The following AIM2 variants were observed in gnomAD, a reference collection of about 807,000 sequenced individuals.
AIM2 encodes interferon-inducible protein AIM2.
AIM2 carries 30 observed loss-of-function variants against 27.7 expected under a neutral mutation model. That is an observed-to-expected ratio of 1.08 (90% CI 0.81 to 1.47). The LOEUF (loss-of-function observed/expected upper bound fraction) is 1.47, where lower values mean the gene tolerates loss of function less well. Among genes scored for constraint, AIM2 ranks in the 40% most tolerant of loss-of-function variants. AIM2 has a pLI of 0.00. For synonymous variants in AIM2, 141 were observed against 145.3 expected, an observed-to-expected ratio of 0.97 and a Z score of 0.21; for missense variants, 358 against 411.3, an observed-to-expected ratio of 0.87 and a Z score of 1.12.
chr1:159,061,870 G>A (rs1557888865), downstream of AIM2, among the ~76,000 whole-genome samples: 1 of 152,086 alleles, frequency 6.6e-6, no homozygotes, highest in Non-Finnish European at 1.5e-5. Flanking sequence ...CTTTTGGTGT[G>A]ATATCTAAAT....
chr1:159,101,511 G>A (rs528303746), intron 1 of AIM2, among the ~76,000 whole-genome samples: 5 of 152,304 alleles, frequency 3.3e-5, no homozygotes, highest in Non-Finnish European at 7.3e-5. Context: ...ATGTAGAAGC[G>A]ACTTTGGAAC....
chr1:159,135,882 G>A (rs1203028039), intron 1 of AIM2, among the ~76,000 whole-genome samples: 1 of 152,072 alleles, frequency 6.6e-6, no homozygotes, highest in Non-Finnish European at 1.5e-5. Context: ...TCTCTTCCCA[G>A]CTCCCCAGGC....
intron 1 of AIM2, among the ~76,000 whole-genome samples, chr1:159,074,831 A>C (rs1332131550): frequency 6.6e-6 from 1 of 152,168 alleles, no homozygotes; most frequent in Admixed American, 6.5e-5. Flanking sequence ...GGACCTACTT[A>C]AGTGGGTGTA....
At chr1:159,102,184 T>A (rs56338583) in intron 1 of AIM2, among the ~76,000 whole-genome samples, 6,100 of 152,262 alleles carry the variant, frequency 0.04, 288 homozygotes, top group African/African-American at 0.11. Context: ...ATTGTACAGC[T>A]CAATCCAGTG....
chr1:159,097,873 G>A (rs1657213040), intron 1 of AIM2, among the ~76,000 whole-genome samples: 1 of 152,086 alleles, frequency 6.6e-6, no homozygotes, highest in Non-Finnish European at 1.5e-5. Context: ...AACCACAAAG[G>A]AGAAATAAAG....
At chr1:159,080,120 T>A (rs1656741319), upstream of AIM2, among the ~76,000 whole-genome samples, 1 of 152,204 alleles carries the variant, frequency 6.6e-6, no homozygotes, top group Non-Finnish European at 1.5e-5. Context: ...TTTTGGCAAT[T>A]ACGAATAAAC....
chr1:159,065,431 G>T (rs1188870795), intron 4 of AIM2, among the ~76,000 whole-genome samples: 1 of 151,960 alleles, frequency 6.6e-6, no homozygotes, highest in Admixed American at 6.6e-5. Context: ...TAAAAAAAAA[G>T]TCTCCTCAGG....
intron 1 of AIM2, among the ~76,000 whole-genome samples, chr1:159,116,909 G>C (rs911473004): frequency 3.3e-5 from 5 of 151,940 alleles, no homozygotes; most frequent in African/African-American, 1.2e-4. Flanking sequence ...GAATGCTACA[G>C]GGAGAAAATT....
chr1:159,146,952 C>T (rs996075978), intron 1 of AIM2: 1 of 152,144 alleles, frequency 6.6e-6, no homozygotes, highest in Non-Finnish European at 1.5e-5. Context: ...CTTGTAGTAC[C>T]CATCCTTCTA....
intron 1 of AIM2, among the ~76,000 whole-genome samples, chr1:159,131,114 C>T (rs1371086652): frequency 6.6e-6 from 1 of 152,074 alleles, no homozygotes; most frequent in East Asian, 1.9e-4. Context: ...GTTGGGATGA[C>T]CTAATCAATG....
chr1:159,056,290 C>G, the AIM2 span, among the ~76,000 whole-genome samples: 1 of 152,094 alleles, frequency 6.6e-6, no homozygotes, highest in Non-Finnish European at 1.5e-5. Flanking sequence ...CTGGAAATGG[C>G]GCAAACTTCT....
chr1:159,083,248 T>A (rs112388812), intron 1 of AIM2, among the ~76,000 whole-genome samples: 2,066 of 152,258 alleles, frequency 0.014, 59 homozygotes, highest in African/African-American at 0.046. Context: ...AGAGAGATGA[T>A]GTACATGTAT....
upstream of AIM2, among the ~76,000 whole-genome samples, chr1:159,143,080 C>T (rs1648142409): frequency 6.6e-6 from 1 of 152,090 alleles, no homozygotes; most frequent in Non-Finnish European, 1.5e-5. Context: ...AGGTGATGGC[C>T]AAGTAAAGAA....
chr1:159,113,906 C>T (rs1647257403), intron 1 of AIM2, among the ~76,000 whole-genome samples: 1 of 152,180 alleles, frequency 6.6e-6, no homozygotes, highest in African/African-American at 2.4e-5. Flanking sequence ...TTGACTAGCT[C>T]TTACTGTTTA....
chr1:159,135,749 G>A (rs1448971404), intron 1 of AIM2, among the ~76,000 whole-genome samples: 2 of 152,194 alleles, frequency 1.3e-5, no homozygotes, highest in Non-Finnish European at 2.9e-5. Context: ...CAAGTTATCA[G>A]CAATTGTTAG....
At chr1:159,143,837 A>G (rs1341454506), upstream of AIM2, among the ~76,000 whole-genome samples, 1 of 152,184 alleles carries the variant, frequency 6.6e-6, no homozygotes, top group Non-Finnish European at 1.5e-5. Flanking sequence ...GAGATATATC[A>G]TGGCATGGTT....
chr1:159,065,354 G>A lies in AIM2; in HGVS notation c.816+556C>T, dbSNP rs150757833. On this transcript the variant is annotated intron_variant, in intron 4 of 5. Coordinates refer to ENST00000368130, the MANE Select transcript of AIM2 (RefSeq NM_004833.3). ...GCAACCTTCCAAGTGTGAAGTGACA[G>A]CCTTGTGTGTGATCTTTTCTGTCTT... 7.4e-3 allele frequency among the ~76,000 whole-genome samples: 1,121 copies of A among 152,286 alleles called. 15 individuals carry two copies. Among genetic ancestry groups the A allele is most frequent in the African/African-American group, 0.026 (1,063 of 41,556 alleles).
At chr1:159,091,825 G>A (rs1018698026) in intron 1 of AIM2, among the ~76,000 whole-genome samples, 2 of 152,222 alleles carry the variant, frequency 1.3e-5, no homozygotes, top group East Asian at 3.8e-4. Flanking sequence ...GGCCTGCTTA[G>A]AATGTGGATG....
At chr1:159,104,837 G>A (rs142451355) in intron 1 of AIM2, among the ~76,000 whole-genome samples, 47 of 152,296 alleles carry the variant, frequency 3.1e-4, no homozygotes, top group African/African-American at 1.1e-3. Flanking sequence ...GCTAGGAGAT[G>A]TGCTCAAATG....
Sources: gnomAD v4.1 joint callset for allele counts (sites outside exome capture counted in the v4.1 genomes callset) on GRCh38, gnomAD v4.1.1 for gene constraint, MANE v1.5 for transcripts, NCBI Gene and HGNC (gene_info 2026-07-23, HGNC 2026-07-21) for gene names.